PCDH15: variants seen among roughly 807,000 people sequenced by gnomAD.
PCDH15 encodes protocadherin related 15.
A neutral mutation model predicts 178.5 loss-of-function variants in PCDH15; 129 were observed. The observed-to-expected ratio is 0.72, with a 90% confidence interval of 0.63 to 0.84. PCDH15 has a LOEUF of 0.84. PCDH15 is among the 40% of genes least tolerant of loss of function. The pLI is 0.00. For synonymous variants in PCDH15, 800 were observed against 732.0 expected (o/e 1.09, Z -1.50); for missense variants, 2,230 against 2,099.9 (o/e 1.06, Z -1.21).
intron 3 of PCDH15, among the ~76,000 whole-genome samples, chr10:54,862,811 G>A (rs758467614): frequency 1.5e-4 from 23 of 152,132 alleles, no homozygotes; most frequent in Admixed American, 4.6e-4. Context: ...TGAGGCCATC[G>A]CCAGATGGAG....
At chr10:54,400,475 T>C (rs902832307) in intron 3 of PCDH15, among the ~76,000 whole-genome samples, 8 of 152,090 alleles carry the variant, frequency 5.3e-5, no homozygotes, top group African/African-American at 1.7e-4. Flanking sequence ...AATGCATGTT[T>C]CCATCATGAT....
chr10:54,859,506 A>G (rs1202148118), intron 3 of PCDH15, among the ~76,000 whole-genome samples: 2 of 152,006 alleles, frequency 1.3e-5, no homozygotes, highest in Non-Finnish European at 2.9e-5. Context: ...TTGTACATGA[A>G]CATAACTAAA....
At chr10:55,267,153 G>A (rs1180271601) in intron 1 of PCDH15, among the ~76,000 whole-genome samples, 1 of 151,540 alleles carries the variant, frequency 6.6e-6, no homozygotes, top group Non-Finnish European at 1.5e-5. Context: ...ACAGAGGGGA[G>A]AAACAAAAAA....
chr10:54,108,115 A>G (rs72797035), intron 15 of PCDH15, among the ~76,000 whole-genome samples: 10,681 of 152,178 alleles, frequency 0.07, 471 homozygotes, highest in East Asian at 0.19. Context: ...AGAGTGGAGC[A>G]AGATGGTCCC....
At chr10:55,004,142 G>C (rs1839867120) in intron 2 of PCDH15, among the ~76,000 whole-genome samples, 1 of 152,168 alleles carries the variant, frequency 6.6e-6, no homozygotes, top group East Asian at 1.9e-4. Flanking sequence ...GTCTTTGGTG[G>C]AAGTGGGGGA....
intron 15 of PCDH15, among the ~76,000 whole-genome samples, chr10:54,091,897 G>C (rs948643355): frequency 6.6e-6 from 1 of 151,502 alleles, no homozygotes; most frequent in African/African-American, 2.4e-5. Context: ...TATAAATACT[G>C]TCTATCTGCT....
intron 28 of PCDH15, among the ~76,000 whole-genome samples, chr10:53,849,810 G>A (rs1276562464): frequency 2.2e-5 from 3 of 137,064 alleles, no homozygotes; most frequent in South Asian, 2.3e-4. Flanking sequence ...GCAGTGAGCC[G>A]AGATCGCGCC....
intron 2 of PCDH15, among the ~76,000 whole-genome samples, chr10:55,352,515 G>A (rs956058907): frequency 1.3e-5 from 2 of 152,110 alleles, no homozygotes; most frequent in African/African-American, 4.8e-5. Flanking sequence ...AGCAATCATC[G>A]AAGCTGATCC....
intron 8 of PCDH15, among the ~76,000 whole-genome samples, chr10:54,275,670 G>A (rs1357609759): frequency 6.6e-6 from 1 of 151,684 alleles, no homozygotes; most frequent in Admixed American, 6.6e-5. Flanking sequence ...TCTCAAATAT[G>A]TGGGAGAGAA....
At chr10:54,007,308 CA>C (rs1402345777) in intron 20 of PCDH15, among the ~76,000 whole-genome samples, 20 of 152,030 alleles carry the variant, frequency 1.3e-4, no homozygotes, top group African/African-American at 4.8e-4. Context: ...TTACTATCAT[CA>C]CAGATTCAGT....
intron 2 of PCDH15, among the ~76,000 whole-genome samples, chr10:55,615,350 C>T (rs1038192142): frequency 9.2e-5 from 14 of 152,110 alleles, no homozygotes; most frequent in African/African-American, 3.4e-4. Context: ...ATTGGAAACA[C>T]TGCAAAATGT....
chr10:55,024,122 A>AATATATATATATATATATAGGAAGGAAT (rs373895204), intron 2 of PCDH15, among the ~76,000 whole-genome samples: 2 of 141,296 alleles, frequency 1.4e-5, no homozygotes, highest in African/African-American at 5.3e-5. Context: ...TATAGGAAGG[A>AATATATATATATATATATAGGAAGGAAT]ATATATATAT....
chr10:53,824,995 G>GACAAAACTTTCCTTTTAACAGTAA, intron 32 of PCDH15: 1 of 1,093,504 alleles, frequency 9.1e-7, no homozygotes, highest in Non-Finnish European at 1.2e-6. Flanking sequence ...GGGTGTGGAA[G>GACAAAACTTTCCTTTTAACAGTAA]ACAAAACTTT....
In PCDH15 at chr10:55,052,537, C is replaced by CAAAAAAAAAAAA. The variant is rs71014444; in HGVS notation, c.-80+114027_-80+114038dup. Reference sequence around the variant, plus strand: ...AACATGGCGAAAACCCCGTCTCATACAAAAAAAAAAAAAAAAAAAAAAAAA... The same window carrying CAAAAAAAAAAAA: ...AACATGGCGAAAACCCCGTCTCATACAAAAAAAAAAAAAAAAAAAAAAAAAAAAAAAAAAAAA... On this transcript the variant is annotated intron_variant, in intron 2 of 5. Transcript: ENST00000458638. 8.1e-4 allele frequency among the ~76,000 whole-genome samples: 32 copies of CAAAAAAAAAAAA among 39,358 alleles called. 12 individuals are homozygous for CAAAAAAAAAAAA. Among genetic ancestry groups the CAAAAAAAAAAAA allele is most frequent in the African/African-American group, 2.2e-3 (25 of 11,398 alleles). 25.8% of individuals were successfully genotyped at this position (39,358 alleles called of 152,430 possible). A position where few individuals can be genotyped will look rare whatever the true frequency, so the allele number is the denominator to read the frequency against.
rs72361686 is a variant in PCDH15, at chr10:54,062,227, C to CAA, written c.2220+4528_2220+4529dup. Among the ~76,000 whole-genome samples, 154 of 53,718 alleles carry CAA rather than the reference C, an allele frequency of 2.9e-3. 12 individuals are homozygous for CAA. Among genetic ancestry groups the CAA allele is most frequent in the East Asian group, 0.023 (29 of 1,250 alleles). 35.2% of individuals were successfully genotyped at this position (53,718 alleles called of 152,430 possible). On this transcript the variant is annotated intron_variant, in intron 18 of 37. Coordinates refer to ENST00000644397, the MANE Select transcript of PCDH15 (RefSeq NM_001384140.1). ...GGGTGACAAGAGTGAGATTCTGTCT[C>CAA]AAAAAAAAAAAAAAAAAAAAAAAAA...
intron 26 of PCDH15, among the ~76,000 whole-genome samples, chr10:53,895,082 T>A (rs554805691): frequency 4.4e-4 from 67 of 152,286 alleles, no homozygotes; most frequent in Admixed American, 9.8e-4. Context: ...CATTAAAAAT[T>A]CAGAAATGTG....
rs137895186 is a variant in PCDH15, at chr10:54,586,061, A to G, written c.92-58184T>C. Among the ~76,000 whole-genome samples the G allele has an allele frequency of 3.7e-3, 566 of 152,238 alleles. 5 individuals carry two copies. Among genetic ancestry groups the G allele is most frequent in the Non-Finnish European group, 5.3e-3 (359 of 68,012 alleles). On this transcript the variant is annotated intron_variant, in intron 2 of 37. Transcript: ENST00000644397. ...ACTCCCAGTATTTTCCTTTAAGATTAATTTTCAGGAAAATTAGACCCAGTT... is the reference window on the plus strand; with the variant it reads ...ACTCCCAGTATTTTCCTTTAAGATTGATTTTCAGGAAAATTAGACCCAGTT...
At chr10:53,926,202 C>T (rs932683683) in intron 25 of PCDH15, among the ~76,000 whole-genome samples, 1 of 152,146 alleles carries the variant, frequency 6.6e-6, no homozygotes, top group Non-Finnish European at 1.5e-5. Context: ...TTCTTTTTAG[C>T]ATTCATTCTA....
At chr10:55,549,152 T>G (rs530698816) in intron 2 of PCDH15, among the ~76,000 whole-genome samples, 15 of 147,200 alleles carry the variant, frequency 1.0e-4, no homozygotes, top group South Asian at 4.3e-4. Context: ...AAGAAGAGGG[T>G]TTTTTTTGTT....
Sources: allele counts gnomAD v4.1 joint callset (sites outside exome capture counted in the v4.1 genomes callset), GRCh38; gene constraint gnomAD v4.1.1; transcripts MANE v1.5; gene names NCBI Gene and HGNC (gene_info 2026-07-23, HGNC 2026-07-21).